The following PIAS3 variants were observed in gnomAD, a reference collection of about 807,000 sequenced individuals.
PIAS3 encodes E3 SUMO-protein ligase PIAS3.
Under a neutral mutation model 67.6 loss-of-function variants are expected in PIAS3, and 34 were observed. That is an observed-to-expected ratio of 0.50 (90% CI 0.38 to 0.67). PIAS3 has a LOEUF of 0.67. Among genes scored for constraint, PIAS3 ranks in the 30% least tolerant of loss-of-function variants. PIAS3 has a pLI of 0.00. For missense variants in PIAS3, 693 were observed against 791.6 expected (o/e 0.88, Z 1.49); for synonymous variants, 341 against 313.8 (o/e 1.09, Z -0.92).
Position 145,855,740 on chromosome 1 carries a change from A to AG in PIAS3, c.664dup (p.Leu222ProfsTer44). ...GAAGAAGGGGAGAGCATTTACCGGC[A>AG]GGGGGCACAGTTTCCCATTGACCTT... is the stretch of plus-strand genomic sequence containing the variant. On this transcript the variant is annotated frameshift_variant, in exon 5 of 14. Coordinates refer to ENST00000393045, the MANE Select transcript of PIAS3 (RefSeq NM_006099.3). LOFTEE classifies it high-confidence loss of function. 1 of 1,558,104 alleles carries AG rather than the reference A, an allele frequency of 6.4e-7. No homozygotes were observed. The highest frequency in any genetic ancestry group is 8.8e-7 in the Non-Finnish European group (1 of 1,135,564).
At chr1:145,853,698 T>C (rs1653052002) in intron 8 of PIAS3, 34 bp from the exon 9 acceptor site, 2 of 1,610,458 alleles carry the variant, frequency 1.2e-6, no homozygotes, top group Non-Finnish European at 8.5e-7. Flanking sequence ...TCAGAGGCCC[T>C]ACTCTGATTT....
At chr1:145,854,638 C>T (rs587600856) in intron 6 of PIAS3, 75 bp from the exon 7 acceptor site, 3 of 1,579,146 alleles carry the variant, frequency 1.9e-6, no homozygotes, top group African/African-American at 2.7e-5. Context: ...TCCATGAGGA[C>T]CAGAGACAGA....
chr1:145,855,698 G>A, intron 5 of PIAS3, 38 bp downstream of exon 5: 1 of 1,057,930 alleles, frequency 9.5e-7, no homozygotes, highest in Non-Finnish European at 1.4e-6. Context: ...AACTGAAACG[G>A]TAAGGGATTA....
At chr1:145,854,678 C>T (rs782229784) in intron 6 of PIAS3, 68 bp downstream of exon 6, 1 of 1,609,958 alleles carries the variant, frequency 6.2e-7, no homozygotes, top group Admixed American at 1.7e-5. Context: ...TTCCCCAACC[C>T]AGGACACTGG....
At position 145,853,595 on chromosome 1, in the gene PIAS3, C is replaced by G. The variant is rs587730152; in HGVS notation, c.1054G>C (p.Ala352Pro). 1.7e-5 allele frequency: 28 copies of G among 1,614,030 alleles called. No individual in the cohort carries two copies. In the South Asian group the frequency reaches 3.1e-4, roughly 18 times the overall value. The change falls in exon 9 of 14, where the codon GCC becomes CCC. Residue 352 changes from alanine (A) to proline (P), a missense_variant. Around this residue, in one of 3 missense-constraint regions of PIAS3, gnomAD observed 115 missense variants for 181.8 expected, o/e 0.63. Coordinates refer to ENST00000393045, the MANE Select transcript of PIAS3 (RefSeq NM_006099.3). Reference sequence around the variant, plus strand: ...TTCTCATTCATCTGTAGATAAAGGGCAGCATCGAAGCTCTGCAGGTGGGCG... The same window carrying G: ...TTCTCATTCATCTGTAGATAAAGGGGAGCATCGAAGCTCTGCAGGTGGGCG... ...TCAHLQSFDA[A>P]LYLQMNEKKP...
At chr1:145,853,785 C>T in intron 8 of PIAS3, 28 bp downstream of exon 8, 1 of 1,611,562 alleles carries the variant, frequency 6.2e-7, no homozygotes, top group Non-Finnish European at 8.5e-7. Context: ...TCCCTTCCCA[C>T]CCTGTTCCCT....
Position 145,853,601 on chromosome 1 carries a change from C to A in PIAS3, c.1048G>T (p.Asp350Tyr). The change falls in exon 9 of 14, where the codon GAT becomes TAT. Residue 350 changes from aspartate (D) to tyrosine (Y), a missense_variant. Physicochemically the swap from Asp to Tyr is radical, Grantham distance 160. Coordinates refer to ENST00000393045, the MANE Select transcript of PIAS3 (RefSeq NM_006099.3). Reference sequence around the variant, plus strand: ...TTCATCTGTAGATAAAGGGCAGCATCGAAGCTCTGCAGGTGGGCGCAGGTG... The same window carrying A: ...TTCATCTGTAGATAAAGGGCAGCATAGAAGCTCTGCAGGTGGGCGCAGGTG... ...ALTCAHLQSF[D>Y]AALYLQMNEK... The A allele has an allele frequency of 6.2e-7, 1 of 1,613,978 alleles. No homozygotes were observed. The highest frequency in any genetic ancestry group is 1.3e-5 in the African/African-American group (1 of 74,980).
rs1460841249 is a variant in PIAS3, at chr1:145,848,922, A to T, written c.*524T>A. ...ATGTACAAAAAAGTCCACATCCACA[A>T]TCCAAAATAAAGTTCTCTGTCCATC... On this transcript the variant is annotated 3_prime_UTR_variant, in exon 14 of 14. Coordinates refer to ENST00000393045, the MANE Select transcript of PIAS3 (RefSeq NM_006099.3). The T allele has an allele frequency of 1.2e-5, 2 of 160,992 alleles. No homozygotes were observed. The highest frequency in any genetic ancestry group is 4.8e-5 in the African/African-American group (2 of 41,708). 10.0% of individuals were successfully genotyped at this position (160,992 alleles called of 1,614,324 possible). A position where few individuals can be genotyped will look rare whatever the true frequency, so the allele number is the denominator to read the frequency against.
chr1:145,849,080 GT>G lies in PIAS3; in HGVS notation c.*365del, dbSNP rs1251387648. 1 of 184,262 alleles carries G rather than the reference GT, an allele frequency of 5.4e-6. No individual in the cohort carries two copies. The highest frequency in any genetic ancestry group is 1.1e-5 in the Non-Finnish European group (1 of 89,578). The allele number at this position is 184,262 out of a possible 1,614,324, so 11.4% of individuals were successfully genotyped here. On this transcript the variant is annotated 3_prime_UTR_variant, in exon 14 of 14. Coordinates refer to ENST00000393045, the MANE Select transcript of PIAS3 (RefSeq NM_006099.3). Reference sequence around the variant, plus strand: ...GTAATAAGAAGAGAGAGCATTTGGGGTTCAAGAGAGGTGCCCCTTCCCCAAG... The same window carrying G: ...GTAATAAGAAGAGAGAGCATTTGGGGTCAAGAGAGGTGCCCCTTCCCCAAG...
Position 145,850,394 on chromosome 1 carries a change from T to C in PIAS3, c.1582+59A>G, listed in dbSNP as rs145137160. 3.0e-5 allele frequency: 48 copies of C among 1,611,442 alleles called. No homozygotes were observed. In the African/African-American group the frequency reaches 4.9e-4, roughly 17 times the overall value. On this transcript the variant is annotated intron_variant, in intron 12 of 13. Coordinates refer to ENST00000393045, the MANE Select transcript of PIAS3 (RefSeq NM_006099.3). The stretch of plus-strand genomic sequence containing the variant: ...AGGCTTTGAGAAGGAACAGGGGTTC[T>C]GATGTAGCTCTGGGGAGGGTGTGGC...
intron 13 of PIAS3, 143 bp from the exon 14 acceptor site, chr1:145,849,855 T>C (rs1652884057): frequency 6.8e-7 from 1 of 1,476,238 alleles, no homozygotes; most frequent in African/African-American, 1.4e-5. Context: ...AGCCTCTCCC[T>C]CTTTCCCCTA....
In PIAS3 at chr1:145,855,775, G is replaced by C; in HGVS notation, c.630C>G (p.Asn210Lys). 1 of 1,610,690 alleles carries C rather than the reference G, an allele frequency of 6.2e-7. No individual in the cohort carries two copies. Among genetic ancestry groups the C allele is most frequent in the Non-Finnish European group, 8.5e-7 (1 of 1,176,912 alleles). ...GTTTCCCATTGACCTTGACAAAGAGGTTGGGGGGAAAATAATCTTCCTGGG... is the reference window on the plus strand; with the variant it reads ...GTTTCCCATTGACCTTGACAAAGAGCTTGGGGGGAAAATAATCTTCCTGGG... The part of the protein sequence containing the change: ...SCPQEDYFPP[N>K]LFVKVNGKLC... Residue 210 changes from asparagine to lysine, a missense_variant, in exon 5 of 14, where the codon AAC becomes AAG. Around this residue, in one of 3 missense-constraint regions of PIAS3, gnomAD observed 308 missense variants for 348.8 expected, o/e 0.88. Coordinates refer to ENST00000393045, the MANE Select transcript of PIAS3 (RefSeq NM_006099.3).
chr1:145,851,712 C>CAA (rs767094077), intron 9 of PIAS3, among the ~76,000 whole-genome samples: 116 of 146,738 alleles, frequency 7.9e-4, no homozygotes, highest in Non-Finnish European at 1.4e-3. Context: ...ATCACACTTT[C>CAA]AGAGACTGAG....
In PIAS3 at chr1:145,856,672, G is replaced by A. The variant is rs781853101; in HGVS notation, c.359C>T (p.Pro120Leu). The change falls in exon 2 of 14, where the codon CCC becomes CTC. Residue 120 changes from proline to leucine, a missense_variant. Transcript: ENST00000393045. ...KREVDMHPPL[P>L]QPVHPDVTMK... ...GGTGACATCAGGGTGCACAGGCTGG[G>A]GCAGAGGGGGGTGCATGTCCACCTC... 7 of 1,606,366 alleles carry A rather than the reference G, an allele frequency of 4.4e-6. No individual in the cohort carries two copies. The highest frequency in any genetic ancestry group is 1.7e-5 in the Admixed American group (1 of 59,468).
At chr1:145,858,551 T>C (rs1653285954) in intron 1 of PIAS3, among the ~76,000 whole-genome samples, 1 of 143,574 alleles carries the variant, frequency 7.0e-6, no homozygotes, top group African/African-American at 2.6e-5. Context: ...CCCCGGAGCC[T>C]CCCCTACGTC....
chr1:145,853,478 G>T (rs375426554), intron 9 of PIAS3, 26 bp downstream of exon 9: 32 of 1,563,990 alleles, frequency 2.0e-5, no homozygotes, highest in Non-Finnish European at 2.7e-5. Context: ...GGATGTCCTA[G>T]GTAAGAGGAA....
intron 1 of PIAS3, 88 bp from the exon 2 acceptor site, chr1:145,857,094 G>T: frequency 1.7e-6 from 2 of 1,154,310 alleles, no homozygotes; most frequent in Non-Finnish European, 2.5e-6. Flanking sequence ...GGTGGGCAGT[G>T]CCTTTCTCTC....
At chr1:145,852,924 C>T (rs781924867) in intron 9 of PIAS3, among the ~76,000 whole-genome samples, 8 of 152,160 alleles carry the variant, frequency 5.3e-5, no homozygotes, top group African/African-American at 1.7e-4. Flanking sequence ...ATAACTCATG[C>T]AAAGTGCTCA....
In PIAS3 at chr1:145,858,300, T is replaced by C. The variant is rs1349930056; in HGVS notation, c.24+667A>G. On this transcript the variant is annotated intron_variant, in intron 1 of 13. Coordinates refer to ENST00000393045, the MANE Select transcript of PIAS3 (RefSeq NM_006099.3). Reference sequence around the variant, plus strand: ...CCTCTGTCCTGTCTTTTTTTCTCCATTAGCTTCCCCTATAACTTCCCACCT... The same window carrying C: ...CCTCTGTCCTGTCTTTTTTTCTCCACTAGCTTCCCCTATAACTTCCCACCT... Among the ~76,000 whole-genome samples, 9 of 152,074 alleles carry C rather than the reference T, an allele frequency of 5.9e-5. No homozygotes were observed. The South Asian group carries it at 8.3e-4, about 14-fold the overall frequency.
Sources: allele counts gnomAD v4.1 joint callset (sites outside exome capture counted in the v4.1 genomes callset), GRCh38; gene constraint gnomAD v4.1.1; regional missense constraint gnomAD v4.1.1; transcripts MANE v1.5; gene names NCBI Gene and HGNC (gene_info 2026-07-23, HGNC 2026-07-21).